ANO4: variants seen among roughly 807,000 people sequenced by gnomAD.
The protein encoded by ANO4 is anoctamin-4.
Under a neutral mutation model 141.9 loss-of-function variants are expected in ANO4, and 69 were observed. That is an observed-to-expected ratio of 0.49 (90% confidence interval 0.40 to 0.59). The LOEUF is 0.59. ANO4 is among the 20% of genes least tolerant of loss of function. The probability of loss-of-function intolerance (pLI) is 0.00; values close to 1 mark genes in which losing one functional copy is unlikely to be tolerated. For synonymous variants in ANO4, 350 were observed against 394.3 expected, an observed-to-expected ratio of 0.89 and a Z score of 1.33; for missense variants, 894 against 1,162.2, an observed-to-expected ratio of 0.77 and a Z score of 3.36.
At chr12:100,966,670 A>G (rs969642115) in intron 5 of ANO4, among the ~76,000 whole-genome samples, 15 of 151,860 alleles carry the variant, frequency 9.9e-5, no homozygotes, top group African/African-American at 3.6e-4. Flanking sequence ...TTTATGATCT[A>G]CCTCTGTACC....
intron 8 of ANO4, 87 bp downstream of exon 8, chr12:100,987,757 T>A: frequency 6.5e-7 from 1 of 1,545,190 alleles, no homozygotes; most frequent in Non-Finnish European, 8.7e-7. Context: ...TTCCTGGGCA[T>A]GAGGAAGGAA....
intron 1 of ANO4, among the ~76,000 whole-genome samples, chr12:100,852,913 A>G (rs1317998546): frequency 6.6e-6 from 1 of 152,260 alleles, no homozygotes; most frequent in Non-Finnish European, 1.5e-5. Flanking sequence ...ACTCAAAGTT[A>G]GCAAGAATAG....
chr12:100,785,143 C>T (rs2033829492), intron 3 of ANO4, among the ~76,000 whole-genome samples: 1 of 152,102 alleles, frequency 6.6e-6, no homozygotes, highest in African/African-American at 2.4e-5. Context: ...AGAGATTTCC[C>T]ACACACCCTC....
At chr12:100,952,431 G>A (rs570447308) in intron 5 of ANO4, among the ~76,000 whole-genome samples, 3 of 152,284 alleles carry the variant, frequency 2.0e-5, no homozygotes, top group African/African-American at 7.2e-5. Context: ...GCTGTTGTTG[G>A]CATTGATGGT....
intron 5 of ANO4, among the ~76,000 whole-genome samples, chr12:100,945,096 C>T (rs949706460): frequency 5.9e-5 from 9 of 152,140 alleles, no homozygotes; most frequent in Admixed American, 2.0e-4. Context: ...TGACACTATG[C>T]ACATTTTATG....
At chr12:100,831,035 C>T (rs2036606528) in intron 1 of ANO4, among the ~76,000 whole-genome samples, 1 of 151,974 alleles carries the variant, frequency 6.6e-6, no homozygotes, top group South Asian at 2.1e-4. Context: ...ATATGTGTAC[C>T]TTTTATAATG....
chr12:100,837,720 T>TAAAAA (rs66789704), intron 1 of ANO4, among the ~76,000 whole-genome samples: 2 of 122,618 alleles, frequency 1.6e-5, no homozygotes, highest in Admixed American at 8.4e-5. Flanking sequence ...ACCTTGTCTC[T>TAAAAA]AAAAAAAAAA....
chr12:101,112,158 T>C (rs532514823), intron 24 of ANO4, among the ~76,000 whole-genome samples: 2 of 152,304 alleles, frequency 1.3e-5, no homozygotes, highest in African/African-American at 2.4e-5. Flanking sequence ...AGATCTTACA[T>C]AGGAAATACG....
At chr12:101,094,177 G>T (rs1198307220) in intron 17 of ANO4, 79 bp from the exon 18 acceptor site, 3 of 1,114,084 alleles carry the variant, frequency 2.7e-6, no homozygotes, top group Admixed American at 1.9e-5. Flanking sequence ...CTCGTGATTT[G>T]ACTCCCTATT....
At chr12:101,107,267 T>G (rs1748326380) in intron 22 of ANO4, among the ~76,000 whole-genome samples, 1 of 152,208 alleles carries the variant, frequency 6.6e-6, no homozygotes, top group African/African-American at 2.4e-5. Context: ...CAGCATTATT[T>G]GGTACCTGAC....
intron 1 of ANO4, among the ~76,000 whole-genome samples, chr12:100,900,195 TTCTC>T (rs1034586833): frequency 6.6e-5 from 10 of 151,232 alleles, no homozygotes; most frequent in Admixed American, 2.0e-4. Context: ...CTTCCAGCCT[TTCTC>T]TCTCTCTCTT....
At chr12:100,956,832 T>G (rs774686441) in intron 5 of ANO4, among the ~76,000 whole-genome samples, 6 of 152,206 alleles carry the variant, frequency 3.9e-5, no homozygotes, top group Non-Finnish European at 8.8e-5. Flanking sequence ...TGAAAAACTG[T>G]TAGTCTTGAT....
At chr12:100,991,513 T>A (rs1186434790) in intron 8 of ANO4, among the ~76,000 whole-genome samples, 27 of 111,134 alleles carry the variant, frequency 2.4e-4, no homozygotes, top group South Asian at 3.3e-4. Flanking sequence ...ATGAAAATAG[T>A]AAAAAAAAAA....
chr12:101,117,802 G>A (rs1272790209), intron 25 of ANO4, among the ~76,000 whole-genome samples: 1 of 152,184 alleles, frequency 6.6e-6, no homozygotes, highest in Non-Finnish European at 1.5e-5. Flanking sequence ...AGTCCTAGAT[G>A]CTTTGACATA....
chr12:100,760,497 G>A (rs1245783229), intron 3 of ANO4, among the ~76,000 whole-genome samples: 2 of 152,170 alleles, frequency 1.3e-5, no homozygotes, highest in African/African-American at 2.4e-5. Flanking sequence ...TAGACTGAGT[G>A]TCCAACCTCT....
At chr12:100,784,245 C>G (rs2033795445) in intron 3 of ANO4, among the ~76,000 whole-genome samples, 1 of 152,148 alleles carries the variant, frequency 6.6e-6, no homozygotes, top group African/African-American at 2.4e-5. Flanking sequence ...CCTGTACCAA[C>G]TTCTTCTACC....
intron 1 of ANO4, among the ~76,000 whole-genome samples, chr12:100,890,902 GAGT>G: frequency 6.6e-6 from 1 of 152,274 alleles, no homozygotes; most frequent in Middle Eastern, 3.4e-3. Flanking sequence ...GCATTAAACA[GAGT>G]AGTTTTATTG....
chr12:101,048,273 T>C (rs2047711621), intron 13 of ANO4, 68 bp from the exon 14 acceptor site: 3 of 1,525,334 alleles, frequency 2.0e-6, no homozygotes, highest in Non-Finnish European at 2.7e-6. Flanking sequence ...TTTACAGAAC[T>C]TGAAAAAATT....
At chr12:101,084,492 A>G (rs573347017) in intron 16 of ANO4, among the ~76,000 whole-genome samples, 1 of 152,318 alleles carries the variant, frequency 6.6e-6, no homozygotes, top group South Asian at 2.1e-4. Flanking sequence ...TAGAACAGTA[A>G]AGGATGATTA....
Sources: gnomAD v4.1 joint callset for allele counts (sites outside exome capture counted in the v4.1 genomes callset) on GRCh38, gnomAD v4.1.1 for gene constraint, MANE v1.5 for transcripts, NCBI Gene and HGNC (gene_info 2026-07-23, HGNC 2026-07-21) for gene names.